IL36RN: variants seen among roughly 807,000 people sequenced by gnomAD.
IL36RN encodes interleukin 36 receptor antagonist, also known as interleukin-36 receptor antagonist protein.
In IL36RN, 11 loss-of-function variants were observed where a neutral mutation model predicts 13.0. That is an observed-to-expected ratio of 0.85 (90% CI 0.53 to 1.40). The LOEUF is 1.40. Among genes scored for constraint, IL36RN ranks in the 40% most tolerant of loss-of-function variants. The probability of loss-of-function intolerance (pLI) is 0.00; values close to 1 mark genes in which losing one functional copy is unlikely to be tolerated. For synonymous variants in IL36RN, 94 were observed against 84.1 expected (o/e 1.12, Z -0.64); for missense variants, 195 against 195.3 (o/e 1.00, Z 0.01).
Position 113,063,056 on chromosome 2 carries a change from G to A in IL36RN, c.*379G>A, listed in dbSNP as rs1685675607. On this transcript the variant is annotated 3_prime_UTR_variant, in exon 5 of 5. Coordinates refer to ENST00000393200, the MANE Select transcript of IL36RN (RefSeq NM_012275.3). ...CCCATCCCCAGTTGAGCCTTATAGG[G>A]TCAGTAGCTCTCCACATGAAGACCT... 3 of 355,930 alleles carry A rather than the reference G, an allele frequency of 8.4e-6. No homozygotes were observed. Among genetic ancestry groups the A allele is most frequent in the African/African-American group, 2.1e-5 (1 of 46,946 alleles). 22.0% of individuals were successfully genotyped at this position (355,930 alleles called of 1,614,324 possible).
upstream of IL36RN, among the ~76,000 whole-genome samples, chr2:113,058,907 G>T (rs557947183): frequency 2.0e-5 from 3 of 152,026 alleles, no homozygotes; most frequent in African/African-American, 7.2e-5. Context: ...AGAAAGTCGC[G>T]CTTCCCTTGA....
chr2:113,059,307 G>A (rs1685590498), intron 1 of IL36RN, 66 bp downstream of exon 1: 3 of 943,080 alleles, frequency 3.2e-6, no homozygotes, highest in African/African-American at 3.2e-5. Flanking sequence ...TCTGCTCCGT[G>A]GAGGCTGTTC....
chr2:113,060,971 C>T (rs1343707117), intron 3 of IL36RN, 34 bp downstream of exon 3: 1 of 1,492,192 alleles, frequency 6.7e-7, no homozygotes, highest in Non-Finnish European at 9.4e-7. Flanking sequence ...TTTCCTTGGT[C>T]TCTATACACT....
rs1370780433 is a variant in IL36RN at position 113,062,936 on chromosome 2, T to C, written c.*259T>C. The C allele has an allele frequency of 3.3e-5, 17 of 508,774 alleles. 1 individual carries two copies. Among genetic ancestry groups the C allele is most frequent in the South Asian group, 2.0e-4 (10 of 49,306 alleles). 31.5% of individuals were successfully genotyped at this position (508,774 alleles called of 1,614,324 possible). On this transcript the variant is annotated 3_prime_UTR_variant, in exon 5 of 5. Transcript: ENST00000393200. ...CATGTGGGGTAAACTGGGAATAACA[T>C]GAAAAGATTTCTGTGGAGGTGGGGT... is the stretch of plus-strand genomic sequence containing the variant.
Position 113,062,872 on chromosome 2 carries a change from C to A in IL36RN, c.*195C>A. The A allele has an allele frequency of 1.5e-6, 1 of 645,252 alleles. No homozygotes were observed. The highest frequency in any genetic ancestry group is 2.7e-5 in the East Asian group (1 of 36,466). The allele number at this position is 645,252 out of a possible 1,614,324, so 40.0% of individuals were successfully genotyped here. On this transcript the variant is annotated 3_prime_UTR_variant, in exon 5 of 5. Coordinates refer to ENST00000393200, the MANE Select transcript of IL36RN (RefSeq NM_012275.3). The stretch of plus-strand genomic sequence containing the variant: ...TTGGAGCTCAGTCCACGGTCCTCCC[C>A]CACTGGATGGTGCTACTGCTGTGGA...
chr2:113,062,180 A>G lies in IL36RN; in HGVS notation c.172A>G (p.Ile58Val), dbSNP rs750090416. Residue 58 changes from isoleucine (I) to valine (V), a missense_variant, in exon 4 of 5, where the codon ATC (isoleucine) becomes GTC (valine). Physicochemically the swap from Ile to Val is conservative, Grantham distance 29. Transcript: ENST00000393200. ...RWLDASLSPV[I>V]LGVQGGSQCL... ...GCTGGATGCCAGCCTGTCCCCCGTC[A>G]TCCTGGGTGTCCAGGGTGGAAGCCA... 2 of 1,614,024 alleles carry G rather than the reference A, an allele frequency of 1.2e-6. No individual in the cohort carries two copies. Among genetic ancestry groups the G allele is most frequent in the South Asian group, 2.2e-5 (2 of 91,076 alleles).
Position 113,062,555 on chromosome 2 carries a change from T to C in IL36RN, c.346T>C (p.Tyr116His). The change falls in exon 5 of 5, where the codon TAC becomes CAC. Residue 116 changes from tyrosine (Y) to histidine (H), a missense_variant. By Grantham distance (83) the Tyr-to-His change is moderately conservative. Transcript: ENST00000393200. Reference sequence around the variant, plus strand: ...CACCTCCAGCTTCGAGTCGGCTGCCTACCCGGGCTGGTTCCTGTGCACGGT... The same window carrying C: ...CACCTCCAGCTTCGAGTCGGCTGCCCACCCGGGCTGGTTCCTGTGCACGGT... ...GLTSSFESAA[Y>H]PGWFLCTVPE... 1.2e-6 allele frequency: 2 copies of C among 1,614,032 alleles called. No individual in the cohort carries two copies. The highest frequency in any genetic ancestry group is 1.7e-6 in the Non-Finnish European group (2 of 1,180,004).
chr2:113,059,489 T>C (rs754270338), intron 2 of IL36RN, 22 bp downstream of exon 2: 2 of 1,613,340 alleles, frequency 1.2e-6, no homozygotes. Flanking sequence ...AGGCCCTGGT[T>C]TGGTGGTGTC....
At chr2:113,060,993 G>A in intron 3 of IL36RN, 56 bp downstream of exon 3, 1 of 1,361,416 alleles carries the variant, frequency 7.3e-7, no homozygotes, top group Admixed American at 1.7e-5. Context: ...TCAGGGGAGG[G>A]GGCCTGAAGA....
At chr2:113,058,748 G>A (rs1248278338), upstream of IL36RN, 2 of 152,658 alleles carry the variant, frequency 1.3e-5, no homozygotes, top group Admixed American at 6.5e-5. Flanking sequence ...AAAAAGGTAA[G>A]GAAGAAAGGG....
chr2:113,060,720 T>A (rs1264698560), intron 2 of IL36RN, 132 bp from the exon 3 acceptor site: 2 of 724,414 alleles, frequency 2.8e-6, no homozygotes, highest in East Asian at 5.4e-5. Flanking sequence ...GACAAGGCTG[T>A]GCTGTTACTT....
chr2:113,061,982 G>T (rs1685649715), intron 3 of IL36RN, 142 bp from the exon 4 acceptor site: 1 of 1,117,926 alleles, frequency 8.9e-7, no homozygotes, highest in Non-Finnish European at 1.3e-6. Flanking sequence ...GAGAAGCCAT[G>T]TCATGACAGC....
At chr2:113,059,506 A>G in intron 2 of IL36RN, 39 bp downstream of exon 2, 10 of 1,612,406 alleles carry the variant, frequency 6.2e-6, no homozygotes, top group Non-Finnish European at 8.5e-6. Context: ...TGTCCTCCGG[A>G]GGAAGTGAGT....
chr2:113,062,076 A>C, intron 3 of IL36RN, 48 bp from the exon 4 acceptor site: 1 of 1,604,388 alleles, frequency 6.2e-7, no homozygotes, highest in African/African-American at 1.3e-5. Context: ...ACAGGGGAAG[A>C]AGGAGGGAAA....
chr2:113,059,256 G>T lies in IL36RN; in HGVS notation c.-28+15G>T. On this transcript the variant is annotated intron_variant, in intron 1 of 4. Transcript: ENST00000393200. Reference sequence around the variant, plus strand: ...AACATTCTGAGGTATGCTCTGGGGCGCTGGTGGTACCGGAGCTCTCTCCTG... The same window carrying T: ...AACATTCTGAGGTATGCTCTGGGGCTCTGGTGGTACCGGAGCTCTCTCCTG... 2 of 686,270 alleles carry T rather than the reference G, an allele frequency of 2.9e-6. No individual in the cohort carries two copies. Among genetic ancestry groups the T allele is most frequent in the Non-Finnish European group, 5.3e-6 (2 of 375,262 alleles). The allele number at this position is 686,270 out of a possible 1,614,324, so 42.5% of individuals were successfully genotyped here. A position where few individuals can be genotyped will look rare whatever the true frequency, so the allele number is the denominator to read the frequency against.
At position 113,064,373 on chromosome 2, in the gene IL36RN, G is replaced by C. The variant is rs1371551663; in HGVS notation, c.*1696G>C. The C allele has an allele frequency of 6.6e-6, 1 of 152,214 alleles. No individual in the cohort carries two copies. The highest frequency in any genetic ancestry group is 1.5e-5 in the Non-Finnish European group (1 of 68,034). 9.4% of individuals were successfully genotyped at this position (152,214 alleles called of 1,614,324 possible). On this transcript the variant is annotated 3_prime_UTR_variant, in exon 5 of 5. Transcript: ENST00000393200. ...CCCTGTCTCCTCGTGTTTACATTCT[G>C]TGTGTGTCCCCTCCCACAATGTACC... is the stretch of plus-strand genomic sequence containing the variant.
In IL36RN at chr2:113,063,046, G is replaced by A. The variant is rs1396795182; in HGVS notation, c.*369G>A. Reference sequence around the variant, plus strand: ...CGCAGGCCAACCCATCCCCAGTTGAGCCTTATAGGGTCAGTAGCTCTCCAC... The same window carrying A: ...CGCAGGCCAACCCATCCCCAGTTGAACCTTATAGGGTCAGTAGCTCTCCAC... On this transcript the variant is annotated 3_prime_UTR_variant, in exon 5 of 5. Transcript: ENST00000393200. 2.5e-5 allele frequency: 9 copies of A among 362,652 alleles called. No homozygotes were observed. The highest frequency in any genetic ancestry group is 1.1e-5 in the Non-Finnish European group (2 of 186,136). 22.5% of individuals were successfully genotyped at this position (362,652 alleles called of 1,614,324 possible).
In IL36RN at chr2:113,062,862, C is replaced by T. The variant is rs3207837; in HGVS notation, c.*185C>T. 2.9e-5 allele frequency: 19 copies of T among 656,474 alleles called. No homozygotes were observed. The highest frequency in any genetic ancestry group is 8.6e-5 in the Admixed American group (4 of 46,706). The allele number at this position is 656,474 out of a possible 1,614,324, so 40.7% of individuals were successfully genotyped here. On this transcript the variant is annotated 3_prime_UTR_variant, in exon 5 of 5. Transcript: ENST00000393200. ...ATTCTGAGATTTGGAGCTCAGTCCA[C>T]GGTCCTCCCCCACTGGATGGTGCTA... is the stretch of plus-strand genomic sequence containing the variant.
rs377330697 is a variant in IL36RN at position 113,062,595 on chromosome 2, A to G, written c.386A>G (p.Gln129Arg). Residue 129 changes from glutamine to arginine, a missense_variant, in exon 5 of 5, where the codon CAG becomes CGG. Gln to Arg is a conservative substitution (Grantham distance 43). Transcript: ENST00000393200. Reference sequence around the variant, plus strand: ...CTGTGCACGGTGCCTGAAGCCGATCAGCCTGTCAGACTCACCCAGCTTCCC... The same window carrying G: ...CTGTGCACGGTGCCTGAAGCCGATCGGCCTGTCAGACTCACCCAGCTTCCC... ...WFLCTVPEAD[Q>R]PVRLTQLPEN... The G allele has an allele frequency of 2.0e-5, 33 of 1,613,810 alleles. No homozygotes were observed. The East Asian group carries it at 3.8e-4, about 19-fold the overall frequency.
Sources: gnomAD v4.1 joint callset for allele counts (sites outside exome capture counted in the v4.1 genomes callset) on GRCh38, gnomAD v4.1.1 for gene constraint, MANE v1.5 for transcripts, NCBI Gene and HGNC (gene_info 2026-07-23, HGNC 2026-07-21) for gene names.